The following EXTL3 variants were observed in gnomAD, a reference collection of about 807,000 sequenced individuals.
EXTL3 encodes exostosin-like 3.
A neutral mutation model predicts 69.3 loss-of-function variants in EXTL3; 27 were observed. That is an observed-to-expected ratio of 0.39 (90% CI 0.29 to 0.54). The LOEUF is 0.54. Among genes scored for constraint, EXTL3 ranks in the 20% least tolerant of loss-of-function variants. EXTL3 has a pLI of 0.69. For missense variants in EXTL3, 1,003 were observed against 1,231.8 expected (o/e 0.81, Z 2.78); for synonymous variants, 511 against 499.4 (o/e 1.02, Z -0.31).
In EXTL3 at chr8:28,654,784, G is replaced by A. The variant is rs184673590; in HGVS notation, c.-53+31974G>A. On this transcript the variant is annotated intron_variant, in intron 1 of 6. Coordinates refer to the EXTL3 transcript ENST00000523149. ...TTCTTTTTCATACCCCAATTTTGTT[G>A]TAATTCTGCAAACATTCAAACCTGA... Among the ~76,000 whole-genome samples, 276 of 152,154 alleles carry A rather than the reference G, an allele frequency of 1.8e-3. 1 individual carries two copies. Among genetic ancestry groups the A allele is most frequent in the African/African-American group, 6.4e-3 (265 of 41,514 alleles).
chr8:28,700,419 G>C (rs1260541712), upstream of EXTL3: 3 of 152,162 alleles, frequency 2.0e-5, no homozygotes, highest in Non-Finnish European at 2.9e-5. Context: ...GTCCCCCGTG[G>C]GCATCAGTCT....
chr8:28,628,202 A>G (rs1436354467), intron 1 of EXTL3, among the ~76,000 whole-genome samples: 3 of 152,188 alleles, frequency 2.0e-5, no homozygotes, highest in African/African-American at 7.2e-5. Flanking sequence ...TCTCTGCTAA[A>G]AACACAAAAA....
intron 1 of EXTL3, among the ~76,000 whole-genome samples, chr8:28,627,723 G>A (rs574450419): frequency 2.0e-5 from 3 of 152,286 alleles, no homozygotes; most frequent in Admixed American, 2.0e-4. Context: ...TAAACAAAAT[G>A]TGTCAGTACA....
chr8:28,632,994 G>A (rs59124724), intron 1 of EXTL3, among the ~76,000 whole-genome samples: 2,190 of 152,142 alleles, frequency 0.014, 64 homozygotes, highest in African/African-American at 0.05. Flanking sequence ...GTCTGTTTTC[G>A]TAGTCCATGA....
chr8:28,656,987 C>T (rs1273374609), intron 1 of EXTL3, among the ~76,000 whole-genome samples: 1 of 151,756 alleles, frequency 6.6e-6, no homozygotes, highest in African/African-American at 2.4e-5. Context: ...GGCTGGAGTG[C>T]AGTGGCATGA....
chr8:28,630,364 A>G (rs1001213117), intron 1 of EXTL3, among the ~76,000 whole-genome samples: 2 of 152,108 alleles, frequency 1.3e-5, no homozygotes, highest in African/African-American at 2.4e-5. Flanking sequence ...TTCTTTATAA[A>G]TTACCCAGTC....
rs1801978054 is a variant in EXTL3, at chr8:28,750,382, A to G, written c.2551-275A>G. ...CTGCAACCAAGTACATACTAGGAGT[A>G]GACTTACTGAGACAGCTGACACTAC... is the stretch of plus-strand genomic sequence containing the variant. On this transcript the variant is annotated intron_variant, in intron 6 of 6. Transcript: ENST00000220562. This position sits in a 1 kb window ranked among gnomAD's most constrained non-coding sequence, Gnocchi z 5.2. Among the ~76,000 whole-genome samples the G allele has an allele frequency of 6.6e-6, 1 of 152,248 alleles. No individual in the cohort carries two copies. The highest frequency in any genetic ancestry group is 2.4e-5 in the African/African-American group (1 of 41,464).
intron 1 of EXTL3, among the ~76,000 whole-genome samples, chr8:28,655,227 C>T (rs1318861331): frequency 6.6e-6 from 1 of 152,130 alleles, no homozygotes; most frequent in Non-Finnish European, 1.5e-5. Flanking sequence ...GGGAGGATCA[C>T]TTGAGTCCAG....
chr8:28,609,928 A>T (rs1806250044), intron 2 of EXTL3, among the ~76,000 whole-genome samples: 1 of 149,632 alleles, frequency 6.7e-6, no homozygotes, highest in South Asian at 2.1e-4. Context: ...AGCCAGATGC[A>T]GTGGTTCATG....
At chr8:28,741,338 G>A (rs1441693420) in intron 5 of EXTL3, 1 of 152,152 alleles carries the variant, frequency 6.6e-6, no homozygotes. Context: ...TTTCTTTCAA[G>A]ACGTGTTATG....
At chr8:28,712,823 A>G (rs1387094949) in intron 1 of EXTL3, among the ~76,000 whole-genome samples, 3 of 152,190 alleles carry the variant, frequency 2.0e-5, no homozygotes, top group African/African-American at 7.2e-5. Flanking sequence ...GCTTATATGT[A>G]AGTTGGTAGC....
intron 3 of EXTL3, among the ~76,000 whole-genome samples, chr8:28,724,841 A>G (rs1801377476): frequency 6.6e-6 from 1 of 151,884 alleles, no homozygotes; most frequent in South Asian, 2.1e-4. Flanking sequence ...TCTTTCTATC[A>G]TCTTCTCTCT....
At chr8:28,651,603 G>A (rs1400052689) in intron 1 of EXTL3, among the ~76,000 whole-genome samples, 1 of 152,122 alleles carries the variant, frequency 6.6e-6, no homozygotes, top group African/African-American at 2.4e-5. Context: ...GGGATTATAA[G>A]CATGAGCCAC....
At chr8:28,669,981 G>A (rs1267912450) in intron 1 of EXTL3, among the ~76,000 whole-genome samples, 1 of 152,104 alleles carries the variant, frequency 6.6e-6, no homozygotes, top group African/African-American at 2.4e-5. Flanking sequence ...GGCTGATACA[G>A]GTGGATCACC....
At chr8:28,702,411 C>A (rs1800828302) in intron 1 of EXTL3, among the ~76,000 whole-genome samples, 3 of 152,330 alleles carry the variant, frequency 2.0e-5, no homozygotes, top group Middle Eastern at 3.4e-3. Flanking sequence ...AGCACCTATT[C>A]CGAGCCCCTC....
upstream of EXTL3, among the ~76,000 whole-genome samples, chr8:28,620,449 A>G (rs1448519538): frequency 6.6e-6 from 1 of 152,112 alleles, no homozygotes; most frequent in Admixed American, 6.6e-5. Context: ...AAGAATGGGG[A>G]TGCTGTTTCC....
chr8:28,657,464 T>A (rs1408545880), intron 1 of EXTL3, among the ~76,000 whole-genome samples: 2 of 152,256 alleles, frequency 1.3e-5, no homozygotes, highest in Non-Finnish European at 2.9e-5. Context: ...TGCTGTCCAA[T>A]GACATCTTCA....
chr8:28,714,195 C>G (rs1801093454), intron 2 of EXTL3, among the ~76,000 whole-genome samples: 1 of 152,076 alleles, frequency 6.6e-6, no homozygotes, highest in Admixed American at 6.5e-5. Context: ...TGTGAGCCAC[C>G]ATGCCCAGCC....
chr8:28,706,695 A>G (rs992246719), intron 1 of EXTL3, among the ~76,000 whole-genome samples: 6 of 152,236 alleles, frequency 3.9e-5, no homozygotes, highest in Non-Finnish European at 8.8e-5. Flanking sequence ...TTTGATCGCT[A>G]GGAAGGTTAA....
Sources: allele counts gnomAD v4.1 joint callset (sites outside exome capture counted in the v4.1 genomes callset), GRCh38; gene constraint gnomAD v4.1.1; non-coding constraint Gnocchi (gnomAD v3.1); transcripts MANE v1.5; gene names NCBI Gene and HGNC (gene_info 2026-07-23, HGNC 2026-07-21).